NHLRC2: variants seen among roughly 807,000 people sequenced by gnomAD.
The protein encoded by NHLRC2 is NHL repeat containing 2.
NHLRC2 carries 33 observed loss-of-function variants against 68.1 expected under a neutral mutation model. The ratio of observed to expected loss-of-function variants is 0.48; its 90% CI spans 0.37 to 0.65. The LOEUF (loss-of-function observed/expected upper bound fraction) is 0.65. Among genes scored for constraint, NHLRC2 ranks in the 30% least tolerant of loss-of-function variants. The probability of loss-of-function intolerance (pLI) is 0.00; values close to 1 mark genes in which losing one functional copy is unlikely to be tolerated. For missense variants in NHLRC2, 761 were observed against 853.8 expected, an observed-to-expected ratio of 0.89 and a Z score of 1.35; for synonymous variants, 311 against 309.6, an observed-to-expected ratio of 1.00 and a Z score of -0.05.
Position 113,862,426 on chromosome 10 carries a change from A to G in NHLRC2, c.331+3746A>G, listed in dbSNP as rs769832367. Among the ~76,000 whole-genome samples the G allele has an allele frequency of 2.3e-4, 35 of 152,146 alleles. 1 individual carries two copies. The highest frequency in any genetic ancestry group is 3.4e-3 in the Middle Eastern group (1 of 294). On this transcript the variant is annotated intron_variant, in intron 2 of 10. Transcript: ENST00000369301. ...AAAAAAAAAGAAAGAAAGAATATAC[A>G]CAAAATGAAATAAGAAAAGAATTTA...
chr10:113,893,751 G>A (rs543868246), intron 5 of NHLRC2, among the ~76,000 whole-genome samples: 18 of 152,096 alleles, frequency 1.2e-4, no homozygotes, highest in Non-Finnish European at 2.4e-4. Context: ...GAGCTAGACC[G>A]ACCTGTTTGG....
chr10:113,904,867 A>G lies in NHLRC2; in HGVS notation c.1755A>G (p.Val585=), dbSNP rs148463420. The change falls in exon 10 of 11, where the codon GTA becomes GTG. Residue 585 remains valine, a synonymous_variant. Transcript: ENST00000369301. ...CTGTGGTAGATGGCCCGTTCCTAGT[A>G]GAAAAACAGAAGACATTACCCAAAC... is the stretch of plus-strand genomic sequence containing the variant. ...ENAVVDGPFL[V]EKQKTLPKLP... The G allele has an allele frequency of 2.8e-4, 458 of 1,613,464 alleles. No homozygotes were observed. Among genetic ancestry groups the G allele is most frequent in the Admixed American group, 2.8e-3 (167 of 59,918 alleles).
At chr10:113,880,841 T>C (rs1846030746) in intron 4 of NHLRC2, among the ~76,000 whole-genome samples, 1 of 151,874 alleles carries the variant, frequency 6.6e-6, no homozygotes, top group Non-Finnish European at 1.5e-5. Flanking sequence ...TATTCCTCAA[T>C]ATAAAAGTGT....
chr10:113,859,867 T>C (rs1328081742), intron 2 of NHLRC2, among the ~76,000 whole-genome samples: 2 of 152,152 alleles, frequency 1.3e-5, no homozygotes, highest in African/African-American at 4.8e-5. Flanking sequence ...AAGGAGACAA[T>C]TGAGCTAGAA....
Position 113,912,312 on chromosome 10 carries a change from A to C in NHLRC2, c.*3776A>C, listed in dbSNP as rs553985362. 2 of 152,194 alleles carry C rather than the reference A, an allele frequency of 1.3e-5. No individual in the cohort carries two copies. The highest frequency in any genetic ancestry group is 2.1e-4 in the South Asian group (1 of 4,832). The allele number at this position is 152,194 out of a possible 1,614,324, so 9.4% of individuals were successfully genotyped here. ...TGGGACCATAAACACATATCACCCT[A>C]CATTTTCTTTGCAACTACAATTTGT... is the stretch of plus-strand genomic sequence containing the variant. On this transcript the variant is annotated 3_prime_UTR_variant, in exon 11 of 11. Transcript: ENST00000369301.
intron 3 of NHLRC2, among the ~76,000 whole-genome samples, 155 bp downstream of exon 3, chr10:113,877,131 TATG>T (rs1845991141): frequency 6.6e-6 from 1 of 152,144 alleles, no homozygotes; most frequent in Non-Finnish European, 1.5e-5. Flanking sequence ...TGTTAATTAA[TATG>T]ATGTCTGAAT....
intron 5 of NHLRC2, among the ~76,000 whole-genome samples, chr10:113,893,230 G>A (rs1846148479): frequency 6.6e-6 from 1 of 152,096 alleles, no homozygotes; most frequent in African/African-American, 2.4e-5. Context: ...ATGCACTTGA[G>A]TACTTGTTAC....
At position 113,898,290 on chromosome 10, in the gene NHLRC2, C is replaced by T. The variant is rs945539817; in HGVS notation, c.1139+81C>T. On this transcript the variant is annotated intron_variant, in intron 6 of 10. Transcript: ENST00000369301. ...TCTTTTTTCAAAATCACCATCCTCACTGTACCAGTCAGGATGTGCTAGGTT... is the reference window on the plus strand; with the variant it reads ...TCTTTTTTCAAAATCACCATCCTCATTGTACCAGTCAGGATGTGCTAGGTT... 4.7e-6 allele frequency: 4 copies of T among 858,704 alleles called. No individual in the cohort carries two copies. In the South Asian group the frequency reaches 5.8e-5, roughly 12 times the overall value. The allele number at this position is 858,704 out of a possible 1,614,324, so 53.2% of individuals were successfully genotyped here. A position where few individuals can be genotyped will look rare whatever the true frequency, so the allele number is the denominator to read the frequency against.
intron 6 of NHLRC2, among the ~76,000 whole-genome samples, chr10:113,901,012 A>T (rs1846223256): frequency 6.6e-6 from 1 of 152,208 alleles, no homozygotes; most frequent in Non-Finnish European, 1.5e-5. Context: ...AAAAGGAATC[A>T]TTGCAATAGT....
intron 1 of NHLRC2, 78 bp from the exon 2 acceptor site, chr10:113,858,450 G>T: frequency 1.0e-6 from 1 of 977,244 alleles, no homozygotes; most frequent in Non-Finnish European, 1.5e-6. Context: ...AAAAAAAAAG[G>T]TCACATTTTA....
chr10:113,865,245 G>A (rs1433937174), intron 2 of NHLRC2, among the ~76,000 whole-genome samples: 6 of 151,714 alleles, frequency 4.0e-5, no homozygotes, highest in Admixed American at 2.0e-4. Context: ...CACCGCGCCC[G>A]GCCACAAATG....
intron 5 of NHLRC2, among the ~76,000 whole-genome samples, chr10:113,893,864 A>C (rs763315003): frequency 6.6e-6 from 1 of 152,186 alleles, no homozygotes; most frequent in Admixed American, 6.5e-5. Flanking sequence ...AAGAAAAGCA[A>C]ATGTTTTTGT....
intron 2 of NHLRC2, among the ~76,000 whole-genome samples, chr10:113,865,836 A>C (rs1845862905): frequency 6.6e-6 from 1 of 152,218 alleles, no homozygotes; most frequent in Non-Finnish European, 1.5e-5. Context: ...ACATAACCAG[A>C]AATGATCACA....
At position 113,909,173 on chromosome 10, in the gene NHLRC2, A is replaced by G. The variant is rs1846301855; in HGVS notation, c.*637A>G. 1 of 152,234 alleles carries G rather than the reference A, an allele frequency of 6.6e-6. No homozygotes were observed. The highest frequency in any genetic ancestry group is 1.5e-5 in the Non-Finnish European group (1 of 68,064). The allele number at this position is 152,234 out of a possible 1,614,324, so 9.4% of individuals were successfully genotyped here. A position where few individuals can be genotyped will look rare whatever the true frequency, so the allele number is the denominator to read the frequency against. On this transcript the variant is annotated 3_prime_UTR_variant, in exon 11 of 11. Coordinates refer to ENST00000369301, the MANE Select transcript of NHLRC2 (RefSeq NM_198514.4). ...TTATAAATTATTTGTTATTTAACAT[A>G]CCATTATGAATGCCTTAAAACTTTG...
intron 5 of NHLRC2, among the ~76,000 whole-genome samples, chr10:113,888,202 CAA>C (rs1386342221): frequency 4.6e-5 from 7 of 152,142 alleles, no homozygotes; most frequent in Non-Finnish European, 8.8e-5. Context: ...TCAAAGGGTA[CAA>C]AGTTTCAATT....
At position 113,904,077 on chromosome 10, in the gene NHLRC2, G is replaced by T. The variant is rs907911956; in HGVS notation, c.1704+341G>T. 3.4e-5 allele frequency among the ~76,000 whole-genome samples: 5 copies of T among 148,720 alleles called. No individual in the cohort carries two copies. The East Asian group carries it at 7.8e-4, about 23-fold the overall frequency. On this transcript the variant is annotated intron_variant, in intron 9 of 10. Coordinates refer to ENST00000369301, the MANE Select transcript of NHLRC2 (RefSeq NM_198514.4). The stretch of plus-strand genomic sequence containing the variant: ...TACATACACCTGCTCTGTGGGTTGG[G>T]TTATTTAGCTTATTGTTTTTGTTTT...
Position 113,876,678 on chromosome 10 carries a change from A to G in NHLRC2, c.489A>G (p.Pro163=). 6.2e-7 allele frequency: 1 copy of G among 1,614,022 alleles called. No individual in the cohort carries two copies. Among genetic ancestry groups the G allele is most frequent in the Non-Finnish European group, 8.5e-7 (1 of 1,179,930 alleles). The change falls in exon 3 of 11, where the codon CCA becomes CCG. Residue 163 remains proline, a synonymous_variant. Coordinates refer to ENST00000369301, the MANE Select transcript of NHLRC2 (RefSeq NM_198514.4). ...AAGAACTAGAAGTTTCCTGCTGGCCAACTCTAGTCATACTTGGACCTCGTG... is the reference window on the plus strand; with the variant it reads ...AAGAACTAGAAGTTTCCTGCTGGCCGACTCTAGTCATACTTGGACCTCGTG... The part of the protein sequence containing the change: ...LWQELEVSCW[P]TLVILGPRGN...
chr10:113,868,920 T>C (rs1845896287), intron 2 of NHLRC2, among the ~76,000 whole-genome samples: 1 of 152,120 alleles, frequency 6.6e-6, no homozygotes, highest in Non-Finnish European at 1.5e-5. Context: ...AATAATATTA[T>C]TGAGGAACCA....
At position 113,879,580 on chromosome 10, in the gene NHLRC2, A is replaced by G; in HGVS notation, c.794A>G (p.Asn265Ser). ...GQIQYSIGGP[N>S]PGRKDGIFSE... ...AAATTTTATCTTATTTTAGGACCCAACCCTGGAAGAAAAGATGGAATATTT... is the reference window on the plus strand; with the variant it reads ...AAATTTTATCTTATTTTAGGACCCAGCCCTGGAAGAAAAGATGGAATATTT... Residue 265 changes from asparagine to serine, a missense_variant, in exon 4 of 11, where the codon AAC (asparagine) becomes AGC (serine). By Grantham distance (46) the Asn-to-Ser change is conservative (BLOSUM62 1). Coordinates refer to ENST00000369301, the MANE Select transcript of NHLRC2 (RefSeq NM_198514.4). 6.2e-7 allele frequency: 1 copy of G among 1,601,872 alleles called. No individual in the cohort carries two copies. Among genetic ancestry groups the G allele is most frequent in the Non-Finnish European group, 8.5e-7 (1 of 1,174,550 alleles).
Sources: gnomAD v4.1 joint callset for allele counts (sites outside exome capture counted in the v4.1 genomes callset) on GRCh38, gnomAD v4.1.1 for gene constraint, MANE v1.5 for transcripts, NCBI Gene and HGNC (gene_info 2026-07-23, HGNC 2026-07-21) for gene names.